Variants in LYRM9 observed in about 807,000 individuals in gnomAD.
LYRM9 encodes the protein LYR motif-containing protein 9.
In LYRM9, 14 loss-of-function variants were observed where a neutral mutation model predicts 12.6. The ratio of observed to expected loss-of-function variants is 1.11; its 90% CI spans 0.73 to 1.73. The LOEUF (loss-of-function observed/expected upper bound fraction) is 1.73. LYRM9 is among the 40% of genes most tolerant of loss of function. The pLI is 0.00. For missense variants in LYRM9, 94 were observed against 95.0 expected (o/e 0.99, Z 0.04); for synonymous variants, 42 against 35.1 (o/e 1.20, Z -0.69).
intron 1 of LYRM9, among the ~76,000 whole-genome samples, chr17:27,887,022 A>C (rs1388733492): frequency 6.6e-6 from 1 of 151,914 alleles, no homozygotes; most frequent in East Asian, 1.9e-4. Flanking sequence ...TCTCTACTCC[A>C]CTGCATACCC....
intron 1 of LYRM9, among the ~76,000 whole-genome samples, chr17:27,888,053 T>C (rs552303235): frequency 8.3e-4 from 127 of 152,332 alleles, no homozygotes; most frequent in Non-Finnish European, 1.4e-3. Context: ...CTCACCCGCA[T>C]TGAAACACCC....
chr17:27,880,113 G>GTCT, intron 3 of LYRM9, 161 bp downstream of exon 3: 1 of 713,798 alleles, frequency 1.4e-6, no homozygotes, highest in African/African-American at 1.7e-5. Context: ...GAAGGGATTT[G>GTCT]TCTTCACCTT....
chr17:27,879,225 C>A lies in LYRM9; in HGVS notation c.*248G>T. On this transcript the variant is annotated 3_prime_UTR_variant, in exon 4 of 4. Coordinates refer to ENST00000379102, the MANE Select transcript of LYRM9 (RefSeq NM_001076680.3). Reference sequence around the variant, plus strand: ...CAAAAACACAAAAATAAAAAACACACAAAAGAAGCAAAAAAATACTACATT... The same window carrying A: ...CAAAAACACAAAAATAAAAAACACAAAAAAGAAGCAAAAAAATACTACATT... 2.3e-6 allele frequency: 1 copy of A among 436,860 alleles called. No homozygotes were observed. Among genetic ancestry groups the A allele is most frequent in the Non-Finnish European group, 4.0e-6 (1 of 246,914 alleles). The allele number at this position is 436,860 out of a possible 1,614,324, so 27.1% of individuals were successfully genotyped here. A position where few individuals can be genotyped will look rare whatever the true frequency, so the allele number is the denominator to read the frequency against.
At chr17:27,884,194 CTCT>C (rs1198961630) in intron 1 of LYRM9, among the ~76,000 whole-genome samples, 4 of 152,208 alleles carry the variant, frequency 2.6e-5, no homozygotes, top group Admixed American at 2.6e-4. Flanking sequence ...CTAGCTTAAC[CTCT>C]TCTTTTTTAA....
chr17:27,884,026 T>C (rs933784865), intron 1 of LYRM9, among the ~76,000 whole-genome samples: 8 of 151,698 alleles, frequency 5.3e-5, no homozygotes, highest in African/African-American at 9.7e-5. Context: ...ATACCCTTTG[T>C]AATCCCTCCC....
At chr17:27,887,064 C>A (rs932403259) in intron 1 of LYRM9, among the ~76,000 whole-genome samples, 1 of 152,160 alleles carries the variant, frequency 6.6e-6, no homozygotes, top group African/African-American at 2.4e-5. Flanking sequence ...ACAACTGCAA[C>A]AGCCCCTAGC....
intron 1 of LYRM9, among the ~76,000 whole-genome samples, chr17:27,888,563 G>A (rs1905313686): frequency 6.6e-6 from 1 of 152,210 alleles, no homozygotes; most frequent in Non-Finnish European, 1.5e-5. Context: ...AGGATTTAGA[G>A]GTGACATGTC....
intron 3 of LYRM9, 41 bp downstream of exon 3, chr17:27,880,233 C>G (rs1904999972): frequency 4.1e-6 from 6 of 1,472,456 alleles, no homozygotes; most frequent in Non-Finnish European, 5.6e-6. Context: ...CAGCCATCAT[C>G]ACCCCAGCTC....
chr17:27,892,877 G>A (rs560513915), intron 1 of LYRM9: 1 of 153,600 alleles, frequency 6.5e-6, no homozygotes, highest in African/African-American at 2.4e-5. Flanking sequence ...TTTGGCCACG[G>A]AGCAACTTGC....
intron 1 of LYRM9, chr17:27,883,088 AG>A (rs1375301151): frequency 2.1e-6 from 1 of 468,782 alleles, no homozygotes; most frequent in East Asian, 6.9e-5. Flanking sequence ...TGGTCTGGCG[AG>A]GGCACCAAGC....
intron 1 of LYRM9, among the ~76,000 whole-genome samples, chr17:27,884,353 C>T (rs974629018): frequency 6.6e-6 from 1 of 152,248 alleles, no homozygotes; most frequent in African/African-American, 2.4e-5. Flanking sequence ...GTCTCCTCCA[C>T]ACTGACACCA....
chr17:27,879,534 G>C, intron 3 of LYRM9, 44 bp from the exon 4 acceptor site: 1 of 1,547,070 alleles, frequency 6.5e-7, no homozygotes, highest in South Asian at 1.2e-5. Flanking sequence ...AAGCCAACAG[G>C]GGCAGGAGGA....
At chr17:27,887,599 A>G (rs1175760996) in intron 1 of LYRM9, among the ~76,000 whole-genome samples, 1 of 152,166 alleles carries the variant, frequency 6.6e-6, no homozygotes, top group East Asian at 1.9e-4. Context: ...ACTCCACAAC[A>G]GCCCATGCTG....
Position 27,881,813 on chromosome 17 carries a change from ATT to A in LYRM9, c.126+754_126+755del, listed in dbSNP as rs10711592. On this transcript the variant is annotated intron_variant, in intron 2 of 3. Transcript: ENST00000379102. ...TTCATGCACTGCCCCAGTAATATTCATTTTTTTTTTTTGAGGCAGGGTCTCAC... is the reference window on the plus strand; with the variant it reads ...TTCATGCACTGCCCCAGTAATATTCATTTTTTTTTTGAGGCAGGGTCTCAC... Among the ~76,000 whole-genome samples, 1,259 of 149,428 alleles carry A rather than the reference ATT, an allele frequency of 8.4e-3. 18 individuals carry two copies. Among genetic ancestry groups the A allele is most frequent in the African/African-American group, 0.027 (1,117 of 40,716 alleles).
At chr17:27,892,497 G>A in intron 1 of LYRM9, 1 of 432,424 alleles carries the variant, frequency 2.3e-6, no homozygotes, top group Non-Finnish European at 4.5e-6. Flanking sequence ...AAGAACCTAT[G>A]GCAGGTGAAC....
Position 27,882,612 on chromosome 17 carries a change from G to A in LYRM9, c.83C>T (p.Pro28Leu), listed in dbSNP as rs372435106. Residue 28 changes from proline to leucine, a missense_variant, in exon 2 of 4, where the codon CCG (proline) becomes CTG (leucine). Pro to Leu is a moderately conservative substitution (Grantham distance 98). Coordinates refer to ENST00000379102, the MANE Select transcript of LYRM9 (RefSeq NM_001076680.3). Reference protein sequence around the residue: ...RYLLRCCQQLPTKGIQQHYKH... With the variant: ...RYLLRCCQQLLTKGIQQHYKH... ...GTAATGCTGCTGGATGCCCTTGGTC[G>A]GCAGCTGCTGGCAACAGCGCAGCAA... 53 of 1,596,322 alleles carry A rather than the reference G, an allele frequency of 3.3e-5. No individual in the cohort carries two copies. The highest frequency in any genetic ancestry group is 2.9e-4 in the African/African-American group (22 of 74,640).
chr17:27,879,971 C>T, intron 3 of LYRM9: 1 of 633,198 alleles, frequency 1.6e-6, no homozygotes, highest in Non-Finnish European at 2.8e-6. Context: ...CCACCGCCGG[C>T]TCTGGCACTA....
intron 1 of LYRM9, among the ~76,000 whole-genome samples, chr17:27,890,701 A>G (rs922552225): frequency 6.6e-6 from 1 of 152,236 alleles, no homozygotes; most frequent in Admixed American, 6.5e-5. Context: ...AAAAAAGACG[A>G]AAGAATGGAA....
intron 1 of LYRM9, among the ~76,000 whole-genome samples, chr17:27,884,782 G>A (rs1401646386): frequency 6.6e-6 from 1 of 151,304 alleles, no homozygotes; most frequent in Non-Finnish European, 1.5e-5. Context: ...AGATGAAGGA[G>A]CTAAAAGAGA....
Sources: allele counts gnomAD v4.1 joint callset (sites outside exome capture counted in the v4.1 genomes callset), GRCh38; gene constraint gnomAD v4.1.1; transcripts MANE v1.5; gene names NCBI Gene and HGNC (gene_info 2026-07-23, HGNC 2026-07-21).